FBXW11: variants seen among roughly 807,000 people sequenced by gnomAD.
FBXW11 encodes the protein F-box and WD repeat domain containing 11, also known as F-box/WD repeat-containing protein 11.
A neutral mutation model predicts 77.6 loss-of-function variants in FBXW11; 19 were observed. That is an observed-to-expected ratio of 0.24 (90% CI 0.17 to 0.36). The LOEUF (loss-of-function observed/expected upper bound fraction) is 0.36. Among genes scored for constraint, FBXW11 ranks in the 10% least tolerant of loss-of-function variants. FBXW11 has a pLI of 1.00. For synonymous variants in FBXW11, 235 were observed against 249.4 expected (o/e 0.94, Z 0.54); for missense variants, 334 against 704.2 (o/e 0.47, Z 5.95).
intron 2 of FBXW11, among the ~76,000 whole-genome samples, chr5:171,923,368 T>TCTTAATGATTA (rs1373207808): frequency 1.3e-5 from 2 of 152,232 alleles, no homozygotes; most frequent in African/African-American, 4.8e-5. Context: ...CTTAATGGTG[T>TCTTAATGATTA]CTTTTGATAA....
At chr5:171,936,124 A>AG (rs1762469366) in intron 2 of FBXW11, among the ~76,000 whole-genome samples, 1 of 151,072 alleles carries the variant, frequency 6.6e-6, no homozygotes, top group East Asian at 1.9e-4. Context: ...AAAAAAAAAA[A>AG]AAAAAAAAGA....
chr5:171,920,852 G>A (rs186347960), intron 2 of FBXW11, among the ~76,000 whole-genome samples: 156 of 151,958 alleles, frequency 1.0e-3, no homozygotes, highest in African/African-American at 3.6e-3. Context: ...AAAAGTCTTC[G>A]CCCTGGGAAA....
In FBXW11 at chr5:172,006,569, CGGCGGAGGCGGCAGA is replaced by C. The variant is rs1315855421; in HGVS notation, c.-82_-68del. The C allele has an allele frequency of 5.8e-5, 83 of 1,432,490 alleles. No individual in the cohort carries two copies. Among genetic ancestry groups the C allele is most frequent in the Middle Eastern group, 5.6e-4 (3 of 5,368 alleles). The allele number at this position is 1,432,490 out of a possible 1,614,324, so 88.7% of individuals were successfully genotyped here. ...CGAACGGCCCGGGCGGAGGAGGCGACGGCGGAGGCGGCAGAGGCGGAGGCGGCTATCGCACCCACT... is the reference window on the plus strand; with the variant it reads ...CGAACGGCCCGGGCGGAGGAGGCGACGGCGGAGGCGGCTATCGCACCCACT... On this transcript the variant is annotated 5_prime_UTR_variant, in exon 1 of 14. Coordinates refer to ENST00000517395, the MANE Select transcript of FBXW11 (RefSeq NM_001378974.1).
At chr5:171,947,746 T>A (rs1438924282) in intron 2 of FBXW11, among the ~76,000 whole-genome samples, 1 of 151,756 alleles carries the variant, frequency 6.6e-6, no homozygotes, top group East Asian at 1.9e-4. Context: ...GGAGACGCCA[T>A]CTCTACAAAA....
intron 6 of FBXW11, among the ~76,000 whole-genome samples, chr5:171,892,868 T>C (rs1759447963): frequency 6.6e-6 from 1 of 152,216 alleles, no homozygotes; most frequent in Non-Finnish European, 1.5e-5. Flanking sequence ...TCTGTACAGC[T>C]AAAAGTCTAA....
chr5:171,873,085 C>A (rs923783467), intron 9 of FBXW11, 95 bp from the exon 10 acceptor site: 54 of 982,946 alleles, frequency 5.5e-5, no homozygotes, highest in Non-Finnish European at 7.8e-5. Flanking sequence ...TGATAATGAC[C>A]CAAATATGTG....
In FBXW11 at chr5:171,910,918, C is replaced by T. The variant is rs912973234; in HGVS notation, c.211-121G>A. ...TAAAATGCCACTTTTACCCTAAAGCCAAACTCATTCCTTTACTAATTCATT... is the reference window on the plus strand; with the variant it reads ...TAAAATGCCACTTTTACCCTAAAGCTAAACTCATTCCTTTACTAATTCATT... On this transcript the variant is annotated intron_variant, in intron 3 of 13. Coordinates refer to ENST00000517395, the MANE Select transcript of FBXW11 (RefSeq NM_001378974.1). 4 of 648,124 alleles carry T rather than the reference C, an allele frequency of 6.2e-6. No individual in the cohort carries two copies. In the Admixed American group the frequency reaches 1.4e-4, roughly 22 times the overall value. The allele number at this position is 648,124 out of a possible 1,614,324, so 40.1% of individuals were successfully genotyped here. A position where few individuals can be genotyped will look rare whatever the true frequency, so the allele number is the denominator to read the frequency against.
intron 1 of FBXW11, among the ~76,000 whole-genome samples, chr5:171,978,751 C>T (rs1399230682): frequency 6.6e-6 from 1 of 152,198 alleles, no homozygotes; most frequent in East Asian, 1.9e-4. Flanking sequence ...TCAGAAGTTC[C>T]TCACCCTAGT....
intron 2 of FBXW11, among the ~76,000 whole-genome samples, chr5:171,952,447 A>ATATATATATATTT (rs1200841290): frequency 1.4e-4 from 1 of 6,948 alleles, no homozygotes; most frequent in African/African-American, 3.4e-4. Context: ...ATATATATAT[A>ATATATATATATTT]TTTTTTTTTT....
intron 1 of FBXW11, among the ~76,000 whole-genome samples, chr5:171,966,007 T>G (rs761465780): frequency 1.1e-4 from 16 of 152,276 alleles, no homozygotes; most frequent in Admixed American, 3.3e-4. Context: ...ATCAGCGTGG[T>G]AAGACATGCT....
chr5:171,970,892 A>G (rs1365396095), intron 1 of FBXW11, among the ~76,000 whole-genome samples: 1 of 152,224 alleles, frequency 6.6e-6, no homozygotes, highest in East Asian at 1.9e-4. Context: ...CTGGGCTCTA[A>G]GAAATTAATT....
At chr5:171,936,759 A>G (rs1287182565) in intron 2 of FBXW11, among the ~76,000 whole-genome samples, 1 of 152,174 alleles carries the variant, frequency 6.6e-6, no homozygotes, top group Non-Finnish European at 1.5e-5. Context: ...CTTACAGGAT[A>G]TGATAACCTG....
chr5:172,006,456 A>G lies in FBXW11; in HGVS notation c.45+2T>C. On this transcript the variant is annotated splice_donor_variant, in intron 1 of 13. Transcript: ENST00000517395. LOFTEE classifies it high-confidence loss of function. Reference sequence around the variant, plus strand: ...ACAGACGGTCCAGCGGGCCGCACTCACCATGAGCTCGATGGTCTTGTCCTC... The same window carrying G: ...ACAGACGGTCCAGCGGGCCGCACTCGCCATGAGCTCGATGGTCTTGTCCTC... 6.4e-7 allele frequency: 1 copy of G among 1,555,140 alleles called. No homozygotes were observed. Among genetic ancestry groups the G allele is most frequent in the Admixed American group, 1.9e-5 (1 of 53,050 alleles).
In FBXW11 at chr5:171,891,723, T is replaced by C. The variant is rs551230860; in HGVS notation, c.715-119A>G. ...ACCGATACCCCAATCTTGGTTTGCA[T>C]AACTGTCTGTGGATAGGATCATGCT... On this transcript the variant is annotated intron_variant, in intron 6 of 13. Transcript: ENST00000517395. 19 of 933,918 alleles carry C rather than the reference T, an allele frequency of 2.0e-5. 1 individual carries two copies. The East Asian group carries it at 5.0e-4, about 25-fold the overall frequency. 57.9% of individuals were successfully genotyped at this position (933,918 alleles called of 1,614,324 possible).
At chr5:171,870,180 C>T (rs1757669031) in intron 11 of FBXW11, among the ~76,000 whole-genome samples, 1 of 152,064 alleles carries the variant, frequency 6.6e-6, no homozygotes, top group South Asian at 2.1e-4. Flanking sequence ...TCCAAGGATA[C>T]CTTTCTCCAA....
chr5:171,994,208 A>G (rs1021976890), intron 1 of FBXW11, among the ~76,000 whole-genome samples: 1 of 152,222 alleles, frequency 6.6e-6, no homozygotes, highest in Non-Finnish European at 1.5e-5. Flanking sequence ...TATAGAACAG[A>G]GGTAAGAAGC....
At chr5:171,903,708 T>C (rs188989291) in intron 4 of FBXW11, among the ~76,000 whole-genome samples, 193 of 152,222 alleles carry the variant, frequency 1.3e-3, no homozygotes, top group African/African-American at 4.3e-3. Flanking sequence ...TACAGTGACA[T>C]GATCATGGCT....
intron 2 of FBXW11, among the ~76,000 whole-genome samples, chr5:171,942,442 T>C (rs1357563411): frequency 2.0e-5 from 3 of 152,226 alleles, no homozygotes; most frequent in Non-Finnish European, 2.9e-5. Context: ...AGTCTGTCAA[T>C]TTAGGTTTGT....
intron 2 of FBXW11, among the ~76,000 whole-genome samples, chr5:171,921,080 C>T (rs1458772921): frequency 1.3e-5 from 2 of 152,206 alleles, no homozygotes; most frequent in Non-Finnish European, 2.9e-5. Context: ...GGAATCTCAG[C>T]TACCACTTAG....
Sources: allele counts gnomAD v4.1 joint callset (sites outside exome capture counted in the v4.1 genomes callset), GRCh38; gene constraint gnomAD v4.1.1; transcripts MANE v1.5; gene names NCBI Gene and HGNC (gene_info 2026-07-23, HGNC 2026-07-21).